KCNAB2: variants seen among roughly 807,000 people sequenced by gnomAD.
KCNAB2 encodes potassium voltage-gated channel subfamily A regulatory beta subunit 2.
Under a neutral mutation model 63.6 loss-of-function variants are expected in KCNAB2, and 29 were observed. The observed-to-expected ratio is 0.46, with a 90% CI of 0.34 to 0.62. KCNAB2 has a LOEUF of 0.62. Among genes scored for constraint, KCNAB2 ranks in the 20% least tolerant of loss-of-function variants. The pLI, the probability that KCNAB2 is intolerant of heterozygous loss-of-function variation, is 0.01. For synonymous variants in KCNAB2, 222 were observed against 224.2 expected, an observed-to-expected ratio of 0.99 and a Z score of 0.09; for missense variants, 359 against 563.9, an observed-to-expected ratio of 0.64 and a Z score of 3.68.
rs776052503 is a variant in KCNAB2 at position 6,095,370 on chromosome 1, C to T, written c.780C>T (p.Cys260=). ...AGTTCAACCTGACCCCGCCCATCTG[C>T]GAGCAGGCTGAGTACCACATGTTCC... ...ARQFNLTPPI[C]EQAEYHMFQR... is the part of the protein sequence containing the mutation. The change falls in exon 12 of 16, where the codon TGC becomes TGT. Residue 260 remains cysteine (C), a synonymous_variant. Coordinates refer to ENST00000378083, the MANE Select transcript of KCNAB2 (RefSeq NM_001199862.2). The T allele has an allele frequency of 5.6e-5, 90 of 1,613,034 alleles. 2 individuals carry two copies. In the South Asian group the frequency reaches 8.1e-4, roughly 15 times the overall value.
In KCNAB2 at chr1:6,040,480, C is replaced by G; in HGVS notation, c.-52-37C>G. On this transcript the variant is annotated intron_variant, in intron 1 of 15. Coordinates refer to the KCNAB2 transcript ENST00000164247. Reference sequence around the variant, plus strand: ...AACCTGGTTGATCTTTTTTAACCACCACCCTCTTCCCCTCCCTTATTTTGC... The same window carrying G: ...AACCTGGTTGATCTTTTTTAACCACGACCCTCTTCCCCTCCCTTATTTTGC... The G allele has an allele frequency of 2.7e-6, 3 of 1,129,410 alleles. No homozygotes were observed. The South Asian group carries it at 3.8e-5, about 14-fold the overall frequency. The allele number at this position is 1,129,410 out of a possible 1,614,324, so 70.0% of individuals were successfully genotyped here. A position where few individuals can be genotyped will look rare whatever the true frequency, so the allele number is the denominator to read the frequency against.
At chr1:6,032,410 C>G (rs779175332), upstream of KCNAB2, among the ~76,000 whole-genome samples, 1 of 152,094 alleles carries the variant, frequency 6.6e-6, no homozygotes, top group Non-Finnish European at 1.5e-5. Flanking sequence ...GAAACCATGT[C>G]TACTAAAAAT....
Position 6,100,252 on chromosome 1 carries a change from C to T in KCNAB2, c.*1678C>T, listed in dbSNP as rs1235130764. 10 of 615,600 alleles carry T rather than the reference C, an allele frequency of 1.6e-5. No homozygotes were observed. The highest frequency in any genetic ancestry group is 2.3e-5 in the Non-Finnish European group (9 of 395,872). 38.1% of individuals were successfully genotyped at this position (615,600 alleles called of 1,614,324 possible). A position where few individuals can be genotyped will look rare whatever the true frequency, so the allele number is the denominator to read the frequency against. On this transcript the variant is annotated 3_prime_UTR_variant, in exon 16 of 16. Transcript: ENST00000378083. ...GAGGGGGATCAGCTTCTGCTATTAC[C>T]GACCCCCCTTCATGCTGCCCCTGGC...
intron 14 of KCNAB2, among the ~76,000 whole-genome samples, chr1:6,097,037 G>A (rs531275159): frequency 2.0e-5 from 3 of 152,312 alleles, no homozygotes; most frequent in African/African-American, 2.4e-5. Context: ...GGAAGAGGAT[G>A]GGGAGCGCTA....
chr1:6,061,777 C>T (rs1302774953), intron 2 of KCNAB2, among the ~76,000 whole-genome samples: 1 of 152,210 alleles, frequency 6.6e-6, no homozygotes, highest in African/African-American at 2.4e-5. Context: ...AATTACCCTC[C>T]ACCCCACCTT....
chr1:6,051,763 C>T lies in KCNAB2; in HGVS notation c.218+9C>T, dbSNP rs1396374405. 29 of 1,521,828 alleles carry T rather than the reference C, an allele frequency of 1.9e-5. No homozygotes were observed. Among genetic ancestry groups the T allele is most frequent in the East Asian group, 2.5e-5 (1 of 40,558 alleles). 94.3% of individuals were successfully genotyped at this position (1,521,828 alleles called of 1,614,324 possible). On this transcript the variant is annotated intron_variant, in intron 2 of 15. Transcript: ENST00000378083. ...ACAGGCATGAAGTATCGGTAAGGGC[C>T]GGGCAGGGGGGCGGTGGGGTGGGAA...
intron 2 of KCNAB2, among the ~76,000 whole-genome samples, chr1:6,064,532 G>A (rs552091764): frequency 2.0e-5 from 3 of 152,334 alleles, no homozygotes; most frequent in Non-Finnish European, 2.9e-5. Flanking sequence ...ACCCTATAAA[G>A]AGCCTCCAAG....
intron 1 of KCNAB2, among the ~76,000 whole-genome samples, chr1:6,015,016 CTTTTTTTT>C (rs34742623): frequency 1.8e-4 from 15 of 82,784 alleles, no homozygotes; most frequent in African/African-American, 4.4e-4. Context: ...GGTCACCTTC[CTTTTTTTT>C]TTTTTTTTTT....
intron 2 of KCNAB2, among the ~76,000 whole-genome samples, chr1:6,065,225 C>T (rs545150559): frequency 3.3e-5 from 5 of 152,358 alleles, no homozygotes; most frequent in Admixed American, 6.5e-5. Flanking sequence ...ACATCCAGCC[C>T]GCAGAGTCCA....
At chr1:6,020,434 C>T (rs991030256) in intron 1 of KCNAB2, among the ~76,000 whole-genome samples, 4 of 152,196 alleles carry the variant, frequency 2.6e-5, no homozygotes, top group Non-Finnish European at 4.4e-5. Flanking sequence ...CCAGCACCAC[C>T]CCTGCTGAAA....
At chr1:6,026,661 T>C (rs149786606) in intron 1 of KCNAB2, among the ~76,000 whole-genome samples, 1 of 152,322 alleles carries the variant, frequency 6.6e-6, no homozygotes, top group East Asian at 1.9e-4. Flanking sequence ...AGCCCGGCCC[T>C]TCACTGCTTC....
At chr1:6,084,692 T>C (rs900832135) in intron 5 of KCNAB2, among the ~76,000 whole-genome samples, 1 of 151,894 alleles carries the variant, frequency 6.6e-6, no homozygotes, top group African/African-American at 2.4e-5. Flanking sequence ...GGCAGGTGCC[T>C]GTAGTCCCAG....
intron 9 of KCNAB2, 117 bp from the exon 10 acceptor site, chr1:6,091,146 C>T: frequency 2.7e-6 from 2 of 746,814 alleles, no homozygotes; most frequent in South Asian, 1.5e-5. Flanking sequence ...TCCTTTTTAA[C>T]TAAACGCGTG....
rs1295028906 is a variant in KCNAB2, at chr1:6,082,278, C to T, written c.380+4C>T. The T allele has an allele frequency of 5.6e-6, 9 of 1,609,886 alleles. No individual in the cohort carries two copies. The highest frequency in any genetic ancestry group is 5.9e-6 in the Non-Finnish European group (7 of 1,177,150). ...CAGAAGTCTACGCAGCCGGCAAGTA[C>T]GTGTCTTTTCACACGGGAAAAAGTG... On this transcript the variant is annotated splice_donor_region_variant and intron_variant, in intron 5 of 15. Coordinates refer to ENST00000378083, the MANE Select transcript of KCNAB2 (RefSeq NM_001199862.2).
At chr1:6,089,750 T>G (rs752991153) in intron 8 of KCNAB2, among the ~76,000 whole-genome samples, 1 of 152,196 alleles carries the variant, frequency 6.6e-6, no homozygotes, top group Non-Finnish European at 1.5e-5. Context: ...CAGGCTGGAG[T>G]GCAGCGGCAC....
chr1:6,094,527 C>T (rs1571105208), intron 11 of KCNAB2, 42 bp downstream of exon 11: 1 of 1,526,786 alleles, frequency 6.5e-7, no homozygotes, highest in East Asian at 2.3e-5. Flanking sequence ...GGCACAGACT[C>T]CCGGCACCGG....
At chr1:6,036,737 G>C (rs960816314) in intron 1 of KCNAB2, among the ~76,000 whole-genome samples, 3 of 152,002 alleles carry the variant, frequency 2.0e-5, no homozygotes, top group African/African-American at 7.3e-5. Flanking sequence ...CGCTGTGTGT[G>C]GAAGGTGGCT....
chr1:6,000,089 GC>G, intron 1 of KCNAB2, among the ~76,000 whole-genome samples: 1 of 152,118 alleles, frequency 6.6e-6, no homozygotes, highest in Non-Finnish European at 1.5e-5. Flanking sequence ...CTCTGTCTGT[GC>G]CCCATCTGGG....
At chr1:6,040,295 A>G (rs1660390149) in intron 1 of KCNAB2, among the ~76,000 whole-genome samples, 1 of 152,094 alleles carries the variant, frequency 6.6e-6, no homozygotes, top group Non-Finnish European at 1.5e-5. Context: ...CCCTTCTCAC[A>G]GTTGTCACCT....
Sources: allele counts gnomAD v4.1 joint callset (sites outside exome capture counted in the v4.1 genomes callset), GRCh38; gene constraint gnomAD v4.1.1; transcripts MANE v1.5; gene names NCBI Gene and HGNC (gene_info 2026-07-23, HGNC 2026-07-21).